Variants in CADM2 observed in about 807,000 individuals in gnomAD.
CADM2 encodes the protein immunoglobulin superfamily member 4D.
CADM2 carries 12 observed loss-of-function variants against 49.8 expected under a neutral mutation model. The ratio of observed to expected loss-of-function variants is 0.24; its 90% CI spans 0.15 to 0.39. The LOEUF (loss-of-function observed/expected upper bound fraction) is 0.39, where lower values mean the gene tolerates loss of function less well. Among genes scored for constraint, CADM2 ranks in the 10% least tolerant of loss-of-function variants. The pLI, the probability that CADM2 is intolerant of heterozygous loss-of-function variation, is 1.00. For missense variants in CADM2, 378 were observed against 492.3 expected, an observed-to-expected ratio of 0.77 and a Z score of 2.20; for synonymous variants, 214 against 175.4, an observed-to-expected ratio of 1.22 and a Z score of -1.74.
intron 3 of CADM2, among the ~76,000 whole-genome samples, 195 bp downstream of exon 3, chr3:85,802,391 A>T (rs1360464121): frequency 6.6e-6 from 1 of 152,156 alleles, no homozygotes; most frequent in Non-Finnish European, 1.5e-5. Context: ...CAACTTTTTA[A>T]TAAAATAAAC....
intron 1 of CADM2, among the ~76,000 whole-genome samples, chr3:85,619,976 C>G (rs967663554): frequency 1.3e-5 from 2 of 152,120 alleles, no homozygotes; most frequent in African/African-American, 4.8e-5. Context: ...ATTATACAAA[C>G]CAAAGTGTGA....
chr3:85,278,060 G>T, intron 1 of CADM2, among the ~76,000 whole-genome samples: 1 of 145,604 alleles, frequency 6.9e-6, no homozygotes, highest in Admixed American at 6.9e-5. Flanking sequence ...TTTTTTTCCT[G>T]GGTCTCACAA....
intron 8 of CADM2, chr3:86,013,186 A>C (rs1479560216): frequency 6.6e-6 from 9 of 1,365,630 alleles, no homozygotes; most frequent in Non-Finnish European, 9.3e-6. Flanking sequence ...ATCAGGACTG[A>C]AACAGAAAAA....
chr3:85,697,049 C>G (rs2066580344), intron 1 of CADM2, among the ~76,000 whole-genome samples: 1 of 132,494 alleles, frequency 7.5e-6, no homozygotes, highest in Non-Finnish European at 1.6e-5. Context: ...ATTGCCATAG[C>G]ACTACCCTAC....
intron 1 of CADM2, among the ~76,000 whole-genome samples, chr3:85,146,537 T>G (rs1343756278): frequency 6.6e-6 from 1 of 152,234 alleles, no homozygotes; most frequent in East Asian, 1.9e-4. Context: ...CAAGAATAAC[T>G]AATGTTGAAT....
At chr3:85,382,482 C>A (rs1414837575) in intron 1 of CADM2, among the ~76,000 whole-genome samples, 1 of 152,146 alleles carries the variant, frequency 6.6e-6, no homozygotes, top group Non-Finnish European at 1.5e-5. Flanking sequence ...ACTCATTCTG[C>A]TTCCTGACTC....
At chr3:85,375,052 A>G (rs893739250) in intron 1 of CADM2, among the ~76,000 whole-genome samples, 1 of 152,214 alleles carries the variant, frequency 6.6e-6, no homozygotes, top group Non-Finnish European at 1.5e-5. Context: ...AATTTATTAT[A>G]GGAGATTACT....
At chr3:85,200,581 C>A (rs954222013) in intron 1 of CADM2, among the ~76,000 whole-genome samples, 1 of 152,004 alleles carries the variant, frequency 6.6e-6, no homozygotes, top group African/African-American at 2.4e-5. Flanking sequence ...TGACAGTAAA[C>A]AGAACTGAGG....
At chr3:85,693,507 G>A (rs1381434524) in intron 1 of CADM2, among the ~76,000 whole-genome samples, 2 of 150,038 alleles carry the variant, frequency 1.3e-5, no homozygotes, top group East Asian at 3.9e-4. Context: ...GTGAACCCGG[G>A]AGGCGGAGCT....
chr3:85,602,585 T>C (rs913684563), intron 1 of CADM2, among the ~76,000 whole-genome samples: 1 of 151,894 alleles, frequency 6.6e-6, no homozygotes, highest in South Asian at 2.1e-4. Context: ...AGGTCTCTCT[T>C]AGTGTGGTTG....
intron 1 of CADM2, among the ~76,000 whole-genome samples, chr3:85,524,693 A>AT (rs541290249): frequency 3.3e-5 from 5 of 152,092 alleles, no homozygotes; most frequent in South Asian, 4.2e-4. Context: ...TATTATCTTA[A>AT]TTTTTTCTGT....
chr3:85,201,567 A>C (rs1398810554), intron 1 of CADM2, among the ~76,000 whole-genome samples: 1 of 152,180 alleles, frequency 6.6e-6, no homozygotes, highest in Admixed American at 6.5e-5. Flanking sequence ...TCCACCTTTC[A>C]TTAATGATTT....
chr3:85,054,862 A>T (rs2036018519), intron 1 of CADM2, among the ~76,000 whole-genome samples: 1 of 151,898 alleles, frequency 6.6e-6, no homozygotes, highest in South Asian at 2.1e-4. Flanking sequence ...GAAGTACTTG[A>T]GTAAATAGCC....
chr3:85,851,884 A>C (rs1317693931), intron 3 of CADM2, among the ~76,000 whole-genome samples: 2 of 152,068 alleles, frequency 1.3e-5, no homozygotes, highest in Non-Finnish European at 2.9e-5. Flanking sequence ...TGGTGAGTTA[A>C]TGAAGAATGA....
intron 3 of CADM2, among the ~76,000 whole-genome samples, chr3:85,807,526 A>C (rs2072523005): frequency 6.6e-6 from 1 of 151,860 alleles, no homozygotes; most frequent in South Asian, 2.1e-4. Context: ...AAAGACAAAA[A>C]GACAGAAGAA....
rs10603844 is a variant in CADM2 at position 84,984,048 on chromosome 3, TACACACAC to T, written c.61+24405_61+24412del. 4.7e-3 allele frequency among the ~76,000 whole-genome samples: 669 copies of T among 143,288 alleles called. 3 individuals carry two copies. Among genetic ancestry groups the T allele is most frequent in the African/African-American group, 4.5e-3 (175 of 38,498 alleles). 94.0% of individuals were successfully genotyped at this position (143,288 alleles called of 152,430 possible). ...CTTCATTGTGATATATATATATATATACACACACACACACACACACACACACACACACT... is the reference window on the plus strand; with the variant it reads ...CTTCATTGTGATATATATATATATATACACACACACACACACACACACACT... On this transcript the variant is annotated intron_variant, in intron 1 of 9. Transcript: ENST00000383699.
intron 1 of CADM2, among the ~76,000 whole-genome samples, chr3:85,013,128 T>G (rs912695862): frequency 2.5e-4 from 35 of 140,020 alleles, no homozygotes; most frequent in African/African-American, 9.0e-4. Flanking sequence ...GATTCTGTAA[T>G]TTGCACTGGA....
At chr3:85,593,373 T>C (rs1376820921) in intron 1 of CADM2, among the ~76,000 whole-genome samples, 1 of 152,008 alleles carries the variant, frequency 6.6e-6, no homozygotes, top group Non-Finnish European at 1.5e-5. Flanking sequence ...GAATACCATC[T>C]CTGTCAATTA....
chr3:86,041,775 A>T (rs939636429), intron 8 of CADM2, among the ~76,000 whole-genome samples: 2 of 152,142 alleles, frequency 1.3e-5, no homozygotes, highest in East Asian at 1.9e-4. Context: ...AACAAAATAT[A>T]CTTTCTTTTC....
Sources: allele counts gnomAD v4.1 joint callset (sites outside exome capture counted in the v4.1 genomes callset), GRCh38; gene constraint gnomAD v4.1.1; transcripts MANE v1.5; gene names NCBI Gene and HGNC (gene_info 2026-07-23, HGNC 2026-07-21).